ADGRG6: variants seen among roughly 807,000 people sequenced by gnomAD.
ADGRG6 encodes the protein G-protein coupled receptor 126.
A neutral mutation model predicts 142.4 loss-of-function variants in ADGRG6; 84 were observed. That is an observed-to-expected ratio of 0.59 (90% CI 0.49 to 0.71). The LOEUF is 0.71. ADGRG6 is among the 30% of genes least tolerant of loss of function. ADGRG6 has a pLI of 0.00. For synonymous variants in ADGRG6, 521 were observed against 520.5 expected (o/e 1.00, Z -0.01); for missense variants, 1,367 against 1,466.6 (o/e 0.93, Z 1.11).
At chr6:142,341,480 TA>T (rs1779628604) in intron 2 of ADGRG6, among the ~76,000 whole-genome samples, 1 of 118,812 alleles carries the variant, frequency 8.4e-6, no homozygotes, top group South Asian at 2.2e-4. Context: ...TTATGTAGTA[TA>T]TATACTATAT....
rs1337715328 is a variant in ADGRG6, at chr6:142,445,703, G to A, written c.*2188G>A. On this transcript the variant is annotated 3_prime_UTR_variant, in exon 25 of 25. Coordinates refer to ENST00000367609, the MANE Select transcript of ADGRG6 (RefSeq NM_198569.3). The stretch of plus-strand genomic sequence containing the variant: ...AAGATTGAGCCAAATTCTGTTGTCA[G>A]TTCTAAGCATGCAGTTCTCACCTCC... 1 of 152,190 alleles carries A rather than the reference G, an allele frequency of 6.6e-6. No homozygotes were observed. The highest frequency in any genetic ancestry group is 1.5e-5 in the Non-Finnish European group (1 of 68,026). The allele number at this position is 152,190 out of a possible 1,614,324, so 9.4% of individuals were successfully genotyped here. A position where few individuals can be genotyped will look rare whatever the true frequency, so the allele number is the denominator to read the frequency against.
intron 2 of ADGRG6, among the ~76,000 whole-genome samples, chr6:142,359,563 A>G (rs1440219311): frequency 6.6e-6 from 1 of 152,228 alleles, no homozygotes; most frequent in South Asian, 2.1e-4. Context: ...TGATTTGGTT[A>G]GAAATGGTAC....
intron 21 of ADGRG6, among the ~76,000 whole-genome samples, chr6:142,419,084 C>T (rs887318448): frequency 6.6e-6 from 1 of 152,096 alleles, no homozygotes; most frequent in African/African-American, 2.4e-5. Context: ...CTTGCCTCAT[C>T]TACAGCAATG....
chr6:142,378,590 C>T (rs1200504134), intron 4 of ADGRG6, among the ~76,000 whole-genome samples: 2 of 152,204 alleles, frequency 1.3e-5, no homozygotes, highest in African/African-American at 4.8e-5. Context: ...ACTTCTGCCT[C>T]TTCAAATGTT....
At chr6:142,323,806 A>G (rs1044870251) in intron 2 of ADGRG6, among the ~76,000 whole-genome samples, 1 of 152,120 alleles carries the variant, frequency 6.6e-6, no homozygotes, top group African/African-American at 2.4e-5. Flanking sequence ...ATGCAGGATT[A>G]TAATATTATG....
At chr6:142,344,150 A>G (rs970466605) in intron 2 of ADGRG6, among the ~76,000 whole-genome samples, 8 of 151,812 alleles carry the variant, frequency 5.3e-5, no homozygotes, top group Non-Finnish European at 1.2e-4. Context: ...GTGAAATGTG[A>G]AAAAAAATCC....
At chr6:142,379,152 C>T (rs1562351480) in intron 4 of ADGRG6, among the ~76,000 whole-genome samples, 1 of 152,316 alleles carries the variant, frequency 6.6e-6, no homozygotes, top group South Asian at 2.1e-4. Context: ...TAAGTCTGCT[C>T]TTCTTCTGTT....
At chr6:142,382,666 C>T (rs982754798) in intron 5 of ADGRG6, among the ~76,000 whole-genome samples, 1 of 152,100 alleles carries the variant, frequency 6.6e-6, no homozygotes, top group Non-Finnish European at 1.5e-5. Context: ...TTTATCATTG[C>T]TCTTCCTAAT....
At chr6:142,396,889 T>C (rs1023167707) in intron 9 of ADGRG6, among the ~76,000 whole-genome samples, 2 of 152,176 alleles carry the variant, frequency 1.3e-5, no homozygotes, top group Admixed American at 6.6e-5. Flanking sequence ...TACTTTAAAT[T>C]GTAGAACCAA....
At chr6:142,433,082 C>A (rs972999110) in intron 22 of ADGRG6, among the ~76,000 whole-genome samples, 4 of 152,182 alleles carry the variant, frequency 2.6e-5, no homozygotes, top group African/African-American at 7.2e-5. Flanking sequence ...CTCTGTTAAA[C>A]AATTGTTTAA....
At chr6:142,315,995 A>G (rs1778044291) in intron 2 of ADGRG6, among the ~76,000 whole-genome samples, 1 of 152,090 alleles carries the variant, frequency 6.6e-6, no homozygotes, top group Admixed American at 6.6e-5. Context: ...TGGCCACCAT[A>G]TTTCTATGGT....
At chr6:142,317,830 T>TATATATATTTATATATA (rs1254653863) in intron 2 of ADGRG6, among the ~76,000 whole-genome samples, 1 of 82,614 alleles carries the variant, frequency 1.2e-5, no homozygotes, top group Non-Finnish European at 2.1e-5. Flanking sequence ...TAATTTATAT[T>TATATATATTTATATATA]ATATATATTT....
chr6:142,438,973 TGAC>T (rs1367683929), intron 24 of ADGRG6, among the ~76,000 whole-genome samples: 1 of 152,214 alleles, frequency 6.6e-6, no homozygotes, highest in Non-Finnish European at 1.5e-5. Flanking sequence ...TGAAAAATCC[TGAC>T]GACACCATGG....
chr6:142,442,260 A>G (rs1413211020), intron 24 of ADGRG6, among the ~76,000 whole-genome samples: 1 of 152,196 alleles, frequency 6.6e-6, no homozygotes. Context: ...TAGGAAACTG[A>G]ATACTTTATA....
intron 22 of ADGRG6, among the ~76,000 whole-genome samples, chr6:142,431,582 G>A (rs80347943): frequency 0.041 from 6,194 of 152,158 alleles, 267 homozygotes; most frequent in Middle Eastern, 0.11. Flanking sequence ...CAGAAAGCTA[G>A]AACAGCATAT....
At chr6:142,407,170 T>TAAAAAA (rs11414768) in intron 15 of ADGRG6, among the ~76,000 whole-genome samples, 2 of 121,034 alleles carry the variant, frequency 1.7e-5, no homozygotes, top group African/African-American at 6.5e-5. Context: ...CCCGTCTCTT[T>TAAAAAA]AAAAAAAAAA....
At chr6:142,441,718 C>T (rs545731885) in intron 24 of ADGRG6, among the ~76,000 whole-genome samples, 1 of 152,200 alleles carries the variant, frequency 6.6e-6, no homozygotes, top group African/African-American at 2.4e-5. Context: ...ACTAATTATT[C>T]ATTATTAATA....
intron 16 of ADGRG6, 73 bp from the exon 17 acceptor site, chr6:142,409,801 T>G: frequency 1.5e-6 from 1 of 683,154 alleles, no homozygotes; most frequent in Non-Finnish European, 2.5e-6. Flanking sequence ...CCTTCGTGTT[T>G]TTATTCTTTT....
chr6:142,387,554 C>T (rs970160472), intron 6 of ADGRG6, among the ~76,000 whole-genome samples: 3 of 152,194 alleles, frequency 2.0e-5, no homozygotes, highest in Non-Finnish European at 4.4e-5. Context: ...ATTGCCTCAT[C>T]ACTAGTTCAA....
Sources: gnomAD v4.1 joint callset for allele counts (sites outside exome capture counted in the v4.1 genomes callset) on GRCh38, gnomAD v4.1.1 for gene constraint, MANE v1.5 for transcripts, NCBI Gene and HGNC (gene_info 2026-07-23, HGNC 2026-07-21) for gene names.